Variants in SCN8A observed in about 807,000 individuals in gnomAD.
SCN8A encodes the protein sodium voltage-gated channel alpha subunit 8.
In SCN8A, 30 loss-of-function variants were observed where a neutral mutation model predicts 184.1. The ratio of observed to expected loss-of-function variants is 0.16; its 90% CI spans 0.12 to 0.22. The LOEUF (loss-of-function observed/expected upper bound fraction) is 0.22, where lower values mean the gene tolerates loss of function less well. SCN8A is among the 10% of genes least tolerant of loss of function. The pLI, the probability that SCN8A is intolerant of heterozygous loss-of-function variation, is 1.00. For missense variants in SCN8A, 1,057 were observed against 2,498.9 expected (o/e 0.42, Z 12.30); for synonymous variants, 852 against 907.0 (o/e 0.94, Z 1.09).
chr12:51,673,671 T>A (rs549129665), intron 2 of SCN8A, among the ~76,000 whole-genome samples: 1 of 152,332 alleles, frequency 6.6e-6, no homozygotes, highest in Non-Finnish European at 1.5e-5. Context: ...CTGTCTACCT[T>A]GTGCCAGATA....
chr12:51,712,273 T>C (rs1443633088), intron 11 of SCN8A, among the ~76,000 whole-genome samples: 9 of 152,204 alleles, frequency 5.9e-5, no homozygotes. Flanking sequence ...GCTATGGTAG[T>C]CCTGAACAAG....
intron 14 of SCN8A, among the ~76,000 whole-genome samples, chr12:51,759,031 C>T (rs1942724806): frequency 4.6e-5 from 7 of 151,272 alleles, no homozygotes; most frequent in Admixed American, 4.6e-4. Context: ...TGTATATGTA[C>T]AGCCACGTAC....
At chr12:51,610,130 A>G (rs1263362227) in intron 1 of SCN8A, among the ~76,000 whole-genome samples, 1 of 138,532 alleles carries the variant, frequency 7.2e-6, no homozygotes, top group Non-Finnish European at 1.5e-5. Flanking sequence ...AGATCACACC[A>G]TGGCACTCCA....
At chr12:51,705,865 CCATGATGA>C (rs1746662736) in intron 10 of SCN8A, among the ~76,000 whole-genome samples, 1 of 152,116 alleles carries the variant, frequency 6.6e-6, no homozygotes, top group Non-Finnish European at 1.5e-5. Context: ...TGTGCAACCG[CCATGATGA>C]CTGGGAAGAA....
At chr12:51,705,665 A>C in intron 10 of SCN8A, 42 bp downstream of exon 10, 68 of 1,543,026 alleles carry the variant, frequency 4.4e-5, no homozygotes, top group Non-Finnish European at 5.8e-5. Flanking sequence ...CTGCCAGATC[A>C]TGGTGACTAA....
intron 1 of SCN8A, among the ~76,000 whole-genome samples, chr12:51,642,897 G>C (rs1006799516): frequency 2.0e-5 from 3 of 151,830 alleles, no homozygotes; most frequent in Non-Finnish European, 4.4e-5. Flanking sequence ...CTGCTCTTCG[G>C]CCTGTTAGCG....
In SCN8A at chr12:51,790,424, C is replaced by T. The variant is rs374059983; in HGVS notation, c.4446C>T (p.Thr1482=). The change falls in exon 25 of 27, where the codon ACC becomes ACT. Residue 1482 remains threonine, a synonymous_variant. Coordinates refer to ENST00000627620, the MANE Select transcript of SCN8A (RefSeq NM_001330260.2). ...KKFGGQDIFM[T]EEQKKYYNAM... is the part of the protein sequence containing the mutation. The stretch of plus-strand genomic sequence containing the variant: ...TCGGAGGTCAGGACATCTTCATGAC[C>T]GAAGAACAGAAGAAGTACTACAATG... The T allele has an allele frequency of 1.4e-5, 22 of 1,608,036 alleles. No individual in the cohort carries two copies. Among genetic ancestry groups the T allele is most frequent in the African/African-American group, 9.4e-5 (7 of 74,544 alleles).
At chr12:51,616,842 C>A (rs548522714) in intron 1 of SCN8A, among the ~76,000 whole-genome samples, 1 of 151,612 alleles carries the variant, frequency 6.6e-6, no homozygotes, top group Non-Finnish European at 1.5e-5. Context: ...TCACTTGAGC[C>A]TGGGAAGTTG....
chr12:51,730,759 C>T (rs1942227820), intron 12 of SCN8A, among the ~76,000 whole-genome samples: 1 of 152,190 alleles, frequency 6.6e-6, no homozygotes, highest in Admixed American at 6.5e-5. Flanking sequence ...ATTATTTTCA[C>T]TACAGTCACC....
In SCN8A at chr12:51,607,655, G is replaced by A. The variant is rs191870567; in HGVS notation, c.-55+16296G>A. On this transcript the variant is annotated intron_variant, in intron 1 of 26. Coordinates refer to ENST00000627620, the MANE Select transcript of SCN8A (RefSeq NM_001330260.2). ...TCATAAAGCGATGCTGCATTTTGTC[G>A]AATGCTTTTTCTGCATCTGTTGAGA... Among the ~76,000 whole-genome samples the A allele has an allele frequency of 1.7e-3, 252 of 152,230 alleles. 1 individual carries two copies. The highest frequency in any genetic ancestry group is 5.5e-3 in the African/African-American group (230 of 41,550).
chr12:51,644,807 C>T (rs1216800635), intron 1 of SCN8A, among the ~76,000 whole-genome samples: 4 of 151,886 alleles, frequency 2.6e-5, no homozygotes, highest in South Asian at 2.1e-4. Context: ...TCTTCCCGGC[C>T]GCCATCACAT....
chr12:51,777,843 T>C (rs540356797), intron 20 of SCN8A, among the ~76,000 whole-genome samples: 190 of 152,344 alleles, frequency 1.2e-3, no homozygotes, highest in South Asian at 3.3e-3. Context: ...TGACAAAGTT[T>C]CGTAAGATGA....
intron 12 of SCN8A, chr12:51,722,260 A>G: frequency 2.8e-6 from 1 of 351,254 alleles, no homozygotes; most frequent in Non-Finnish European, 5.2e-6. Flanking sequence ...TATCTTTGCT[A>G]GTCTGTGTGC....
chr12:51,762,118 CAT>C (rs1467235734), intron 14 of SCN8A, among the ~76,000 whole-genome samples: 2 of 152,130 alleles, frequency 1.3e-5, no homozygotes, highest in Non-Finnish European at 2.9e-5. Flanking sequence ...TTTTTCTAAT[CAT>C]AACGCGAGTG....
At chr12:51,792,249 G>A (rs943079573) in intron 25 of SCN8A, among the ~76,000 whole-genome samples, 1 of 150,712 alleles carries the variant, frequency 6.6e-6, no homozygotes, top group Non-Finnish European at 1.5e-5. Context: ...GGGATCTAGA[G>A]GCAGGCAGAT....
intron 20 of SCN8A, among the ~76,000 whole-genome samples, chr12:51,777,918 T>C (rs1177671435): frequency 6.6e-6 from 1 of 152,242 alleles, no homozygotes; most frequent in East Asian, 1.9e-4. Context: ...CCTTCAGATA[T>C]ACTTATTAAG....
At chr12:51,658,265 C>CT in intron 1 of SCN8A, among the ~76,000 whole-genome samples, 1 of 151,928 alleles carries the variant, frequency 6.6e-6, no homozygotes. Context: ...TGTCTTTCCA[C>CT]TTTTTTTCGT....
chr12:51,713,516 G>A (rs987140428), intron 11 of SCN8A: 2 of 759,202 alleles, frequency 2.6e-6, no homozygotes, highest in Non-Finnish European at 4.8e-6. Flanking sequence ...AACTGCTCTG[G>A]TTCCTTTGGG....
chr12:51,697,216 C>G (rs1046714512), intron 6 of SCN8A, among the ~76,000 whole-genome samples: 1 of 152,084 alleles, frequency 6.6e-6, no homozygotes, highest in African/African-American at 2.4e-5. Flanking sequence ...GCTTCATAAT[C>G]CCTTTGTGGC....
Sources: allele counts gnomAD v4.1 joint callset (sites outside exome capture counted in the v4.1 genomes callset), GRCh38; gene constraint gnomAD v4.1.1; transcripts MANE v1.5; gene names NCBI Gene and HGNC (gene_info 2026-07-23, HGNC 2026-07-21).